The following ASTN1 variants were observed in gnomAD, a reference collection of about 807,000 sequenced individuals.
ASTN1 encodes the protein astrotactin 1.
In ASTN1, 41 loss-of-function variants were observed where a neutral mutation model predicts 140.7. The observed-to-expected ratio is 0.29, with a 90% confidence interval of 0.23 to 0.38. The LOEUF (loss-of-function observed/expected upper bound fraction) is 0.38, where lower values mean the gene tolerates loss of function less well. Ranked by LOEUF, ASTN1 falls within the 10% of genes least tolerant of loss-of-function variation. The pLI, the probability that ASTN1 is intolerant of heterozygous loss-of-function variation, is 1.00. For missense variants in ASTN1, 1,479 were observed against 1,678.8 expected, an observed-to-expected ratio of 0.88 and a Z score of 2.08; for synonymous variants, 640 against 652.2, an observed-to-expected ratio of 0.98 and a Z score of 0.29.
intron 15 of ASTN1, among the ~76,000 whole-genome samples, chr1:176,934,810 C>A (rs898212703): frequency 6.6e-6 from 1 of 151,894 alleles, no homozygotes; most frequent in Admixed American, 6.6e-5. Context: ...TATGTGTACG[C>A]GCAAGGTCAC....
intron 2 of ASTN1, among the ~76,000 whole-genome samples, chr1:177,059,640 G>A (rs558586847): frequency 7.9e-5 from 12 of 152,206 alleles, no homozygotes; most frequent in African/African-American, 1.7e-4. Context: ...GTTTACTTAC[G>A]GGGACATGGG....
chr1:177,005,231 C>A (rs146714040), intron 8 of ASTN1, among the ~76,000 whole-genome samples: 2 of 151,998 alleles, frequency 1.3e-5, no homozygotes, highest in African/African-American at 4.8e-5. Context: ...TGTAAAAATG[C>A]TCAACATTAT....
chr1:176,984,390 A>G (rs1422355984), intron 8 of ASTN1, among the ~76,000 whole-genome samples: 1 of 152,178 alleles, frequency 6.6e-6, no homozygotes, highest in Non-Finnish European at 1.5e-5. Flanking sequence ...CCTCCATTAG[A>G]ACCATCTAAA....
downstream of ASTN1, chr1:176,860,962 T>C (rs1264797248): frequency 2.0e-6 from 1 of 492,268 alleles, no homozygotes; most frequent in East Asian, 1.5e-4. Flanking sequence ...ATAAGGCCCA[T>C]TATGTCTGGA....
intron 7 of ASTN1, among the ~76,000 whole-genome samples, chr1:177,022,345 T>C (rs556401237): frequency 1.3e-5 from 2 of 152,312 alleles, no homozygotes; most frequent in African/African-American, 4.8e-5. Context: ...ATCTTAGATA[T>C]CACTTTAACG....
intron 1 of ASTN1, among the ~76,000 whole-genome samples, chr1:177,079,033 A>G (rs1384997643): frequency 6.6e-6 from 1 of 152,200 alleles, no homozygotes; most frequent in Non-Finnish European, 1.5e-5. Flanking sequence ...TTTTGAAATC[A>G]AATTTGCTGT....
At chr1:177,087,894 C>T (rs1478589259) in intron 1 of ASTN1, among the ~76,000 whole-genome samples, 2 of 152,182 alleles carry the variant, frequency 1.3e-5, no homozygotes, top group African/African-American at 2.4e-5. Flanking sequence ...TAAGGTCTCT[C>T]TGAGGGTGGC....
At chr1:176,985,844 C>CCA (rs1673869782) in intron 8 of ASTN1, among the ~76,000 whole-genome samples, 2 of 125,470 alleles carry the variant, frequency 1.6e-5, no homozygotes, top group Non-Finnish European at 3.3e-5. Flanking sequence ...CTCTCTCTCT[C>CCA]TACACACACA....
chr1:177,078,051 A>T (rs1460801409), intron 1 of ASTN1, among the ~76,000 whole-genome samples: 1 of 152,190 alleles, frequency 6.6e-6, no homozygotes, highest in Admixed American at 6.5e-5. Context: ...CTGGAGAGAC[A>T]AGGAAATAGG....
At chr1:177,147,666 C>T (rs1168670707) in intron 1 of ASTN1, among the ~76,000 whole-genome samples, 1 of 152,144 alleles carries the variant, frequency 6.6e-6, no homozygotes, top group African/African-American at 2.4e-5. Flanking sequence ...GTTGAAGTAA[C>T]TTTGAGGCTG....
chr1:177,092,191 A>G (rs1162099144), intron 1 of ASTN1, among the ~76,000 whole-genome samples: 2 of 151,966 alleles, frequency 1.3e-5, no homozygotes, highest in Non-Finnish European at 2.9e-5. Context: ...GACTGCACTC[A>G]CCCTAGAGGC....
At chr1:176,972,949 G>C (rs189663606) in intron 8 of ASTN1, among the ~76,000 whole-genome samples, 18 of 152,104 alleles carry the variant, frequency 1.2e-4, no homozygotes, top group African/African-American at 4.3e-4. Context: ...CCTTGCTACA[G>C]TCATACCTAT....
At chr1:176,921,111 T>C (rs1413540346) in intron 16 of ASTN1, among the ~76,000 whole-genome samples, 1 of 152,200 alleles carries the variant, frequency 6.6e-6, no homozygotes, top group African/African-American at 2.4e-5. Context: ...AGATGGCCAT[T>C]AGGGCCACAT....
chr1:176,985,403 G>GT (rs1483917108), intron 8 of ASTN1, among the ~76,000 whole-genome samples: 2 of 151,920 alleles, frequency 1.3e-5, no homozygotes, highest in African/African-American at 4.8e-5. Flanking sequence ...AGTCCTCAAG[G>GT]TTTTTGGAGC....
chr1:176,930,668 A>C (rs1018188477), intron 16 of ASTN1, among the ~76,000 whole-genome samples: 1 of 152,224 alleles, frequency 6.6e-6, no homozygotes, highest in African/African-American at 2.4e-5. Flanking sequence ...GGATGGTCAC[A>C]GGATTGACAT....
At chr1:177,102,498 A>C (rs12743382) in intron 1 of ASTN1, among the ~76,000 whole-genome samples, 41,501 of 152,104 alleles carry the variant, frequency 0.27, 7,495 homozygotes, top group Non-Finnish European at 0.4. Context: ...CATCAAGGTA[A>C]CTTTAAACTT....
chr1:176,985,092 C>A lies in ASTN1; in HGVS notation c.1524-19855G>T, dbSNP rs1423736349. 2.0e-5 allele frequency among the ~76,000 whole-genome samples: 3 copies of A among 152,228 alleles called. No individual in the cohort carries two copies. The East Asian group carries it at 5.8e-4, about 29-fold the overall frequency. The stretch of plus-strand genomic sequence containing the variant: ...TTCTCTTCTTCTTCAAATGCAGGGA[C>A]TTTTACCCTCCGAATACCAGTCTGC... On this transcript the variant is annotated intron_variant, in intron 8 of 22. Transcript: ENST00000361833.
intron 7 of ASTN1, among the ~76,000 whole-genome samples, chr1:177,018,438 G>A (rs138947182): frequency 1.4e-3 from 207 of 152,326 alleles, no homozygotes; most frequent in African/African-American, 4.7e-3. Context: ...AGGGCAGCTG[G>A]TTTGAGTCTG....
chr1:176,884,559 C>T, intron 18 of ASTN1, 69 bp from the exon 19 acceptor site: 1 of 1,501,034 alleles, frequency 6.7e-7, no homozygotes, highest in Non-Finnish European at 9.1e-7. Flanking sequence ...CTGACTACCT[C>T]AATTGTGATA....
Sources: allele counts gnomAD v4.1 joint callset (sites outside exome capture counted in the v4.1 genomes callset), GRCh38; gene constraint gnomAD v4.1.1; transcripts MANE v1.5; gene names NCBI Gene and HGNC (gene_info 2026-07-23, HGNC 2026-07-21).